MRE11: variants seen among roughly 807,000 people sequenced by gnomAD.
MRE11 encodes the protein MRE11 double strand break repair nuclease.
MRE11 carries 62 observed loss-of-function variants against 91.7 expected under a neutral mutation model. The ratio of observed to expected loss-of-function variants is 0.68; its 90% confidence interval spans 0.55 to 0.84. The LOEUF (loss-of-function observed/expected upper bound fraction) is 0.84, where lower values mean the gene tolerates loss of function less well. MRE11 is among the 40% of genes least tolerant of loss of function. The pLI, the probability that MRE11 is intolerant of heterozygous loss-of-function variation, is 0.00. For missense variants in MRE11, 796 were observed against 852.9 expected, an observed-to-expected ratio of 0.93 and a Z score of 0.83; for synonymous variants, 273 against 271.4, an observed-to-expected ratio of 1.01 and a Z score of -0.06.
At chr11:94,447,145 T>C in intron 15 of MRE11, 74 bp downstream of exon 15, 2 of 1,402,016 alleles carry the variant, frequency 1.4e-6, no homozygotes, top group Middle Eastern at 2.1e-4. Flanking sequence ...AATTCAACTC[T>C]GACAAGATCT....
intron 18 of MRE11, among the ~76,000 whole-genome samples, chr11:94,431,014 C>T (rs1591635372): frequency 1.3e-5 from 2 of 152,138 alleles, no homozygotes; most frequent in Admixed American, 6.5e-5. Flanking sequence ...GCCTAAAATA[C>T]TCCTTATCTG....
upstream of MRE11, chr11:94,497,145 T>G (rs746609020): frequency 1.3e-5 from 9 of 681,588 alleles, no homozygotes; most frequent in Non-Finnish European, 2.2e-5. Context: ...TAAGGATAAT[T>G]ATCTATAAAG....
chr11:94,499,887 T>G, the MRE11 span, among the ~76,000 whole-genome samples: 1 of 152,212 alleles, frequency 6.6e-6, no homozygotes, highest in African/African-American at 2.4e-5. Flanking sequence ...ATAATGTTAT[T>G]TAATCAAAGA....
At position 94,476,650 on chromosome 11, in the gene MRE11, C is replaced by T. The variant is rs557381813; in HGVS notation, c.545-247G>A. ...CAAACTCCTGGGCTCAAGCAATCCTCTCGCCTCAGCCTCCCAAAGTGCTGG... is the reference window on the plus strand; with the variant it reads ...CAAACTCCTGGGCTCAAGCAATCCTTTCGCCTCAGCCTCCCAAAGTGCTGG... On this transcript the variant is annotated intron_variant, in intron 6 of 19. Transcript: ENST00000323929. 2.3e-3 allele frequency among the ~76,000 whole-genome samples: 353 copies of T among 152,174 alleles called. 4 individuals are homozygous for T. The highest frequency in any genetic ancestry group is 0.017 in the Middle Eastern group (5 of 294).
chr11:94,427,826 T>C (rs1193220587), intron 19 of MRE11, among the ~76,000 whole-genome samples: 1 of 152,102 alleles, frequency 6.6e-6, no homozygotes, highest in Non-Finnish European at 1.5e-5. Context: ...CATAGCTATA[T>C]AGCTAACCAA....
intron 11 of MRE11, among the ~76,000 whole-genome samples, chr11:94,461,728 A>G (rs1335471749): frequency 6.6e-6 from 1 of 152,230 alleles, no homozygotes; most frequent in African/African-American, 2.4e-5. Context: ...CCATCGTCTC[A>G]GCCCAAAATC....
At chr11:94,422,317 C>T (rs898938984) in intron 19 of MRE11, among the ~76,000 whole-genome samples, 3 of 152,108 alleles carry the variant, frequency 2.0e-5, no homozygotes, top group African/African-American at 4.8e-5. Flanking sequence ...TGGTTGCAGA[C>T]GCGATCTGGA....
At chr11:94,497,228 G>C, upstream of MRE11, 1 of 524,396 alleles carries the variant, frequency 1.9e-6, no homozygotes, top group Non-Finnish European at 3.3e-6. Flanking sequence ...AGAGAGGATG[G>C]AAACTAACAT....
intron 8 of MRE11, 38 bp from the exon 9 acceptor site, chr11:94,470,680 A>T: frequency 6.2e-7 from 1 of 1,607,090 alleles, no homozygotes; most frequent in Non-Finnish European, 8.5e-7. Context: ...TCACAGTGTA[A>T]ATTTCCTCAG....
chr11:94,503,582 C>T, the MRE11 span, among the ~76,000 whole-genome samples: 3 of 151,766 alleles, frequency 2.0e-5, no homozygotes, highest in African/African-American at 7.2e-5. Context: ...CCTAGCTACT[C>T]GGGAGGCTGA....
chr11:94,422,685 A>C (rs893810347), intron 19 of MRE11, among the ~76,000 whole-genome samples: 2 of 152,154 alleles, frequency 1.3e-5, no homozygotes, highest in Non-Finnish European at 2.9e-5. Flanking sequence ...CTTAACATTA[A>C]CTATAGTTCA....
chr11:94,498,569 T>A, upstream of MRE11: 3 of 1,527,240 alleles, frequency 2.0e-6, no homozygotes, highest in Non-Finnish European at 2.7e-6. Context: ...TAAATACCAG[T>A]GCCTCCTGTG....
At chr11:94,475,867 A>G (rs1187023725) in intron 7 of MRE11, among the ~76,000 whole-genome samples, 3 of 152,342 alleles carry the variant, frequency 2.0e-5, no homozygotes, top group East Asian at 3.9e-4. Flanking sequence ...AATGCTGAAC[A>G]TAAGTTGGCT....
upstream of MRE11, chr11:94,498,421 G>T (rs1947449343): frequency 1.9e-6 from 3 of 1,613,486 alleles, no homozygotes; most frequent in African/African-American, 1.3e-5. Flanking sequence ...TCAAACCAGG[G>T]CTGAAAAACA....
Position 94,492,884 on chromosome 11 carries a change from C to T in MRE11, c.-83G>A. On this transcript the variant is annotated 5_prime_UTR_variant, in exon 2 of 20. The change creates a new upstream start codon in the 5' untranslated region. Coordinates refer to ENST00000323929, the MANE Select transcript of MRE11 (RefSeq NM_005591.4). Reference sequence around the variant, plus strand: ...CTGTACTCAAATGTCAGAAAATGCACTCGATTCCAAATTCTAGAAATTCTA... The same window carrying T: ...CTGTACTCAAATGTCAGAAAATGCATTCGATTCCAAATTCTAGAAATTCTA... The T allele has an allele frequency of 7.9e-7, 1 of 1,268,892 alleles. No individual in the cohort carries two copies. The highest frequency in any genetic ancestry group is 1.1e-6 in the Non-Finnish European group (1 of 882,672). The allele number at this position is 1,268,892 out of a possible 1,614,324, so 78.6% of individuals were successfully genotyped here.
intron 18 of MRE11, among the ~76,000 whole-genome samples, chr11:94,434,016 C>T (rs1034814144): frequency 7.2e-5 from 11 of 152,152 alleles, no homozygotes; most frequent in South Asian, 2.1e-4. Context: ...GGCTGATCAC[C>T]AGCTCAAATG....
In MRE11 at chr11:94,474,289, GCTAA is replaced by G. The variant is rs150750163; in HGVS notation, c.659+1996_659+1999del. 5.9e-3 allele frequency among the ~76,000 whole-genome samples: 902 copies of G among 152,174 alleles called. 5 individuals carry two copies. Among genetic ancestry groups the G allele is most frequent in the African/African-American group, 0.02 (815 of 41,536 alleles). ...CTAGACCATCTTGAGGTGCCAAAAA[GCTAA>G]CTAAGGTCATGACCTCAAAACAGAT... On this transcript the variant is annotated intron_variant, in intron 7 of 19. Coordinates refer to ENST00000323929, the MANE Select transcript of MRE11 (RefSeq NM_005591.4).
upstream of MRE11, chr11:94,496,590 A>T: frequency 9.3e-7 from 1 of 1,072,102 alleles, no homozygotes; most frequent in Non-Finnish European, 1.3e-6. Flanking sequence ...TAACTTTTGT[A>T]TTTGTGTTTT....
chr11:94,492,947 C>G (rs1947328543), intron 1 of MRE11, 41 bp from the exon 2 acceptor site: 1 of 744,292 alleles, frequency 1.3e-6, no homozygotes, highest in Non-Finnish European at 2.3e-6. Context: ...TTTTTAAAAG[C>G]CTGCACGTAT....
Sources: allele counts gnomAD v4.1 joint callset (sites outside exome capture counted in the v4.1 genomes callset), GRCh38; gene constraint gnomAD v4.1.1; transcripts MANE v1.5; gene names NCBI Gene and HGNC (gene_info 2026-07-23, HGNC 2026-07-21).